Variants in GAS2 observed in about 807,000 individuals in gnomAD.
GAS2 encodes the protein growth arrest-specific protein 2.
In GAS2, 20 loss-of-function variants were observed where a neutral mutation model predicts 37.5. The ratio of observed to expected loss-of-function variants is 0.53; its 90% CI spans 0.37 to 0.77. GAS2 has a LOEUF of 0.77. GAS2 is among the 30% of genes least tolerant of loss of function. GAS2 has a pLI of 0.00. For synonymous variants in GAS2, 144 were observed against 132.2 expected (o/e 1.09, Z -0.61); for missense variants, 336 against 373.4 (o/e 0.90, Z 0.82).
intron 4 of GAS2, among the ~76,000 whole-genome samples, chr11:22,731,588 A>G (rs1041846931): frequency 2.0e-5 from 3 of 151,782 alleles, no homozygotes; most frequent in Non-Finnish European, 4.4e-5. Flanking sequence ...AGGGGCAAAC[A>G]TTGTCTACCT....
intron 1 of GAS2, among the ~76,000 whole-genome samples, chr11:22,641,312 A>ATATATC (rs1554964906): frequency 4.7e-5 from 3 of 64,408 alleles, no homozygotes; most frequent in East Asian, 9.8e-4. Context: ...CTTTATATAT[A>ATATATC]TTTATATATC....
At chr11:22,777,979 G>A (rs1045777898) in intron 7 of GAS2, among the ~76,000 whole-genome samples, 2 of 152,186 alleles carry the variant, frequency 1.3e-5, no homozygotes, top group Non-Finnish European at 2.9e-5. Flanking sequence ...GAGAGAATGG[G>A]AAAATGATGA....
intron 1 of GAS2, among the ~76,000 whole-genome samples, chr11:22,646,272 T>C (rs528593370): frequency 4.6e-5 from 7 of 152,230 alleles, no homozygotes; most frequent in African/African-American, 1.2e-4. Context: ...TAATTTCAAT[T>C]AGTTTGTTTA....
intron 3 of GAS2, among the ~76,000 whole-genome samples, chr11:22,716,391 C>T (rs1438462547): frequency 6.6e-6 from 1 of 152,070 alleles, no homozygotes; most frequent in African/African-American, 2.4e-5. Context: ...CATAATCCCA[C>T]CACTTTGGAA....
intron 1 of GAS2, among the ~76,000 whole-genome samples, chr11:22,646,289 A>G (rs1473254613): frequency 6.6e-6 from 1 of 152,308 alleles, no homozygotes; most frequent in South Asian, 2.1e-4. Flanking sequence ...TTTACAGATT[A>G]TAGTTAAAAA....
At chr11:22,669,006 G>C (rs1849097456) in intron 1 of GAS2, among the ~76,000 whole-genome samples, 1 of 152,088 alleles carries the variant, frequency 6.6e-6, no homozygotes, top group Non-Finnish European at 1.5e-5. Flanking sequence ...TAAGTAAGAG[G>C]CTTATGTAAG....
intron 1 of GAS2, among the ~76,000 whole-genome samples, chr11:22,671,682 T>C (rs1325296405): frequency 6.6e-6 from 1 of 152,114 alleles, no homozygotes; most frequent in East Asian, 1.9e-4. Context: ...TACGATGTAA[T>C]TCATCTGATC....
intron 3 of GAS2, among the ~76,000 whole-genome samples, chr11:22,697,120 G>A (rs903808078): frequency 9.8e-5 from 15 of 152,294 alleles, no homozygotes; most frequent in South Asian, 2.1e-4. Context: ...TAATTTTTGT[G>A]TAAGGTGTAA....
rs1854847970 is a variant in GAS2, at chr11:22,769,209, C to G, written c.723+13256C>G. On this transcript the variant is annotated intron_variant, in intron 7 of 7. Coordinates refer to ENST00000454584, the MANE Select transcript of GAS2 (RefSeq NM_001143830.3). ...GATATGTGTCACAAAACTCCCCTCC[C>G]AGGGTGATATTTACAAAACACCTTA... 2.6e-5 allele frequency among the ~76,000 whole-genome samples: 4 copies of G among 152,264 alleles called. No homozygotes were observed. In the South Asian group the frequency reaches 8.3e-4, roughly 32 times the overall value.
intron 7 of GAS2, among the ~76,000 whole-genome samples, chr11:22,799,895 C>G (rs532191767): frequency 6.6e-6 from 1 of 152,156 alleles, no homozygotes; most frequent in East Asian, 1.9e-4. Flanking sequence ...AATAACCTTG[C>G]CTGCCACTCA....
At chr11:22,711,569 C>A (rs1269086028) in intron 3 of GAS2, among the ~76,000 whole-genome samples, 1 of 152,190 alleles carries the variant, frequency 6.6e-6, no homozygotes, top group Non-Finnish European at 1.5e-5. Context: ...GGCCTGAGAG[C>A]CCTGCTTGCT....
At chr11:22,724,086 A>G in intron 3 of GAS2, among the ~76,000 whole-genome samples, 1 of 151,960 alleles carries the variant, frequency 6.6e-6, no homozygotes, top group East Asian at 1.9e-4. Flanking sequence ...TCATGTAAAT[A>G]TTTATATATG....
intron 1 of GAS2, among the ~76,000 whole-genome samples, chr11:22,651,565 A>G (rs1210703350): frequency 6.6e-6 from 1 of 152,156 alleles, no homozygotes; most frequent in African/African-American, 2.4e-5. Context: ...CCAATCAGAC[A>G]TAGATTTGGT....
At chr11:22,727,623 A>G (rs1039534097) in intron 4 of GAS2, among the ~76,000 whole-genome samples, 1 of 151,838 alleles carries the variant, frequency 6.6e-6, no homozygotes, top group Non-Finnish European at 1.5e-5. Context: ...AGACCTGAAT[A>G]AAAAAAAGGA....
At chr11:22,789,530 C>A (rs1219397819) in intron 7 of GAS2, among the ~76,000 whole-genome samples, 2 of 127,856 alleles carry the variant, frequency 1.6e-5, no homozygotes, top group Admixed American at 1.8e-4. Context: ...GGCGTGATCT[C>A]GGCTCACTGC....
intron 3 of GAS2, among the ~76,000 whole-genome samples, chr11:22,706,955 T>G (rs1320802493): frequency 6.6e-6 from 1 of 151,966 alleles, no homozygotes; most frequent in South Asian, 2.1e-4. Context: ...CCACCAACAG[T>G]GTAAAAGTGT....
chr11:22,683,269 T>C (rs1849783923), intron 2 of GAS2, among the ~76,000 whole-genome samples: 1 of 152,142 alleles, frequency 6.6e-6, no homozygotes. Context: ...GGATTTTATT[T>C]ATTTATTTAT....
intron 3 of GAS2, among the ~76,000 whole-genome samples, chr11:22,715,404 T>C (rs1248548979): frequency 8.0e-6 from 1 of 125,758 alleles, no homozygotes; most frequent in Admixed American, 1.1e-4. Flanking sequence ...GAGGTTGCAG[T>C]GAGCTGAGAT....
chr11:22,780,118 A>ATTC (rs1855478316), intron 7 of GAS2, among the ~76,000 whole-genome samples: 1 of 152,238 alleles, frequency 6.6e-6, no homozygotes, highest in African/African-American at 2.4e-5. Context: ...AGCTAAAACA[A>ATTC]ACAGGTACTG....
Sources: gnomAD v4.1 joint callset for allele counts (sites outside exome capture counted in the v4.1 genomes callset) on GRCh38, gnomAD v4.1.1 for gene constraint, MANE v1.5 for transcripts, NCBI Gene and HGNC (gene_info 2026-07-23, HGNC 2026-07-21) for gene names.